The following MAML3 variants were observed in gnomAD, a reference collection of about 807,000 sequenced individuals.
MAML3 encodes the protein mastermind like transcriptional coactivator 3.
Under a neutral mutation model 101.9 loss-of-function variants are expected in MAML3, and 27 were observed. That is an observed-to-expected ratio of 0.27 (90% CI 0.20 to 0.37). MAML3 has a LOEUF of 0.37. MAML3 is among the 10% of genes least tolerant of loss of function. MAML3 has a pLI of 1.00. For missense variants in MAML3, 1,316 were observed against 1,444.9 expected (o/e 0.91, Z 1.45); for synonymous variants, 501 against 555.9 (o/e 0.90, Z 1.39).
At chr4:139,942,376 G>A (rs1301333541) in intron 1 of MAML3, among the ~76,000 whole-genome samples, 1 of 152,118 alleles carries the variant, frequency 6.6e-6, no homozygotes, top group African/African-American at 2.4e-5. Flanking sequence ...CAGACGCCTT[G>A]CTATTTTCTA....
intron 1 of MAML3, among the ~76,000 whole-genome samples, chr4:139,966,331 G>A (rs746108187): frequency 1.3e-5 from 2 of 151,974 alleles, no homozygotes; most frequent in Non-Finnish European, 2.9e-5. Flanking sequence ...TGATGAACAC[G>A]TTAGGTTTTA....
At chr4:140,107,911 AC>A (rs1437043038) in intron 1 of MAML3, among the ~76,000 whole-genome samples, 1 of 152,116 alleles carries the variant, frequency 6.6e-6, no homozygotes, top group Non-Finnish European at 1.5e-5. Flanking sequence ...ACCGAGAGGA[AC>A]AAAAAAGAAA....
In MAML3 at chr4:140,144,666, A is replaced by G. The variant is rs776785186; in HGVS notation, c.468+8194T>C. ...GAACATGATTTGCTTTCCAGGTACA[A>G]ACAATATAGCCATTAGCTCTTAAAA... is the stretch of plus-strand genomic sequence containing the variant. On this transcript the variant is annotated intron_variant, in intron 1 of 4. Coordinates refer to ENST00000509479, the MANE Select transcript of MAML3 (RefSeq NM_018717.5). Among the ~76,000 whole-genome samples, 12 of 152,204 alleles carry G rather than the reference A, an allele frequency of 7.9e-5. No homozygotes were observed. The South Asian group carries it at 8.3e-4, about 11-fold the overall frequency.
At chr4:139,886,627 T>C (rs1732343895) in intron 2 of MAML3, among the ~76,000 whole-genome samples, 1 of 152,200 alleles carries the variant, frequency 6.6e-6, no homozygotes, top group South Asian at 2.1e-4. Context: ...TAGTCATTCA[T>C]TTATATCATG....
Position 139,973,534 on chromosome 4 carries a change from GA to G in MAML3, c.469-82568del, listed in dbSNP as rs1257281171. On this transcript the variant is annotated intron_variant, in intron 1 of 4. Transcript: ENST00000509479. ...ACTCTTGGAAACTCTTTGTTTCCTT[GA>G]GCAGTTATTACTGGAAGGGAGCCTT... Among the ~76,000 whole-genome samples the G allele has an allele frequency of 4.6e-5, 7 of 152,276 alleles. No individual in the cohort carries two copies. The South Asian group carries it at 1.2e-3, about 27-fold the overall frequency.
intron 1 of MAML3, among the ~76,000 whole-genome samples, chr4:139,985,314 C>A (rs1734516715): frequency 6.6e-6 from 1 of 152,178 alleles, no homozygotes; most frequent in South Asian, 2.1e-4. Flanking sequence ...AGGAACATAA[C>A]CCCAGACACA....
chr4:139,727,893 G>T (rs965983436), intron 3 of MAML3, among the ~76,000 whole-genome samples: 1 of 152,154 alleles, frequency 6.6e-6, no homozygotes, highest in South Asian at 2.1e-4. Context: ...GATTGGTGTT[G>T]ATCTGGCAGT....
intron 1 of MAML3, among the ~76,000 whole-genome samples, chr4:139,996,927 C>T (rs935348282): frequency 7.2e-5 from 11 of 151,846 alleles, no homozygotes; most frequent in East Asian, 3.9e-4. Context: ...TGTGGTGGTA[C>T]GTGCCTGTAA....
intron 2 of MAML3, among the ~76,000 whole-genome samples, chr4:139,765,506 AG>A (rs1191704473): frequency 1.3e-5 from 2 of 152,264 alleles, no homozygotes; most frequent in Admixed American, 6.5e-5. Flanking sequence ...CATAGGCTAA[AG>A]GATTCCAATG....
chr4:140,008,727 A>G (rs1295630580), intron 1 of MAML3, among the ~76,000 whole-genome samples: 2 of 152,220 alleles, frequency 1.3e-5, no homozygotes, highest in African/African-American at 2.4e-5. Context: ...ATGGAAAAAA[A>G]GAGATGAATT....
intron 1 of MAML3, among the ~76,000 whole-genome samples, chr4:139,993,388 C>T (rs1453949306): frequency 2.0e-5 from 3 of 151,242 alleles, no homozygotes; most frequent in African/African-American, 7.3e-5. Context: ...TATATACACA[C>T]ATATATTACA....
chr4:139,726,868 A>AT (rs1728493447), intron 3 of MAML3, among the ~76,000 whole-genome samples: 1 of 152,192 alleles, frequency 6.6e-6, no homozygotes, highest in African/African-American at 2.4e-5. Context: ...GGGAAAGAAA[A>AT]TAAGAGTGAT....
intron 1 of MAML3, among the ~76,000 whole-genome samples, chr4:140,011,636 GCCC>G (rs1365388084): frequency 1.3e-5 from 2 of 152,064 alleles, no homozygotes; most frequent in Admixed American, 6.6e-5. Flanking sequence ...GAGCCACCGC[GCCC>G]GGCCGTTTTC....
rs1172871082 is a variant in MAML3, at chr4:139,718,941, G to A, written c.*382C>T. Reference sequence around the variant, plus strand: ...CCAAAGCTGCTGTCTCCCGACCTGGGGCAGGAGGGGCTGAGGATACCTCTC... The same window carrying A: ...CCAAAGCTGCTGTCTCCCGACCTGGAGCAGGAGGGGCTGAGGATACCTCTC... On this transcript the variant is annotated 3_prime_UTR_variant, in exon 5 of 5. Coordinates refer to ENST00000509479, the MANE Select transcript of MAML3 (RefSeq NM_018717.5). 2 of 182,792 alleles carry A rather than the reference G, an allele frequency of 1.1e-5. No individual in the cohort carries two copies. Among genetic ancestry groups the A allele is most frequent in the East Asian group, 1.5e-4 (1 of 6,606 alleles). 11.3% of individuals were successfully genotyped at this position (182,792 alleles called of 1,614,324 possible). A position where few individuals can be genotyped will look rare whatever the true frequency, so the allele number is the denominator to read the frequency against.
intron 1 of MAML3, among the ~76,000 whole-genome samples, chr4:139,942,412 G>T (rs1733625309): frequency 6.6e-6 from 1 of 152,102 alleles, no homozygotes; most frequent in South Asian, 2.1e-4. Flanking sequence ...CAAACATGTG[G>T]CCTGGAACCA....
chr4:139,925,315 T>G (rs1350423521), intron 1 of MAML3, among the ~76,000 whole-genome samples: 1 of 152,188 alleles, frequency 6.6e-6, no homozygotes, highest in Non-Finnish European at 1.5e-5. Context: ...CTGCAACCTT[T>G]GCCTCCTGGA....
chr4:139,923,344 A>T (rs1733162448), intron 1 of MAML3, among the ~76,000 whole-genome samples: 1 of 152,180 alleles, frequency 6.6e-6, no homozygotes, highest in Admixed American at 6.5e-5. Flanking sequence ...GAGCTTGTAG[A>T]GGACTGTCAT....
intron 1 of MAML3, among the ~76,000 whole-genome samples, chr4:139,989,822 G>T (rs1310598242): frequency 6.9e-6 from 1 of 145,346 alleles, no homozygotes; most frequent in Non-Finnish European, 1.5e-5. Context: ...TACCACTGCT[G>T]ACCCCTGCAC....
intron 1 of MAML3, among the ~76,000 whole-genome samples, chr4:139,925,124 C>T (rs182179013): frequency 2.6e-5 from 4 of 152,194 alleles, no homozygotes; most frequent in Admixed American, 2.6e-4. Context: ...CTAAGCAAAA[C>T]ATTTAGAGAG....
Sources: allele counts gnomAD v4.1 joint callset (sites outside exome capture counted in the v4.1 genomes callset), GRCh38; gene constraint gnomAD v4.1.1; transcripts MANE v1.5; gene names NCBI Gene and HGNC (gene_info 2026-07-23, HGNC 2026-07-21).